ZNF727: variants seen among roughly 807,000 people sequenced by gnomAD.
ZNF727 encodes zinc finger protein 727, also known as putative zinc finger protein 727.
ZNF727 carries 11 observed loss-of-function variants against 11.5 expected under a neutral mutation model. That is an observed-to-expected ratio of 0.95 (90% CI 0.60 to 1.58). The LOEUF (loss-of-function observed/expected upper bound fraction) is 1.58. ZNF727 is among the 40% of genes most tolerant of loss of function. The pLI is 0.00. For synonymous variants in ZNF727, 171 were observed against 196.1 expected (o/e 0.87, Z 1.07); for missense variants, 533 against 581.7 (o/e 0.92, Z 0.86).
Position 64,062,736 on chromosome 7 carries a change from T to C in ZNF727, c.4-6155T>C, listed in dbSNP as rs1391259950. Reference sequence around the variant, plus strand: ...TCATTATCCCTTTGAATAAACTTTCTACCCAGAACTTTTTCTCTACCTCCT... The same window carrying C: ...TCATTATCCCTTTGAATAAACTTTCCACCCAGAACTTTTTCTCTACCTCCT... On this transcript the variant is annotated intron_variant, in intron 1 of 3. Transcript: ENST00000456806. Among the ~76,000 whole-genome samples the C allele has an allele frequency of 4.2e-5, 5 of 119,732 alleles. No homozygotes were observed. In the South Asian group the frequency reaches 8.0e-4, roughly 19 times the overall value. 78.5% of individuals were successfully genotyped at this position (119,732 alleles called of 152,430 possible). A position where few individuals can be genotyped will look rare whatever the true frequency, so the allele number is the denominator to read the frequency against.
rs1321167149 is a variant in ZNF727, at chr7:64,083,178, G to C, written c.*4629G>C. ...GGGGACCTGCTTTAACAGACAGTCT[G>C]GCCATGTCTTTTTAGAGCGCCTGTA... On this transcript the variant is annotated 3_prime_UTR_variant, in exon 4 of 4. Coordinates refer to ENST00000456806, the MANE Select transcript of ZNF727 (RefSeq NM_001159522.3). Among the ~76,000 whole-genome samples the C allele has an allele frequency of 6.6e-5, 10 of 152,202 alleles. No individual in the cohort carries two copies. Among genetic ancestry groups the C allele is most frequent in the Admixed American group, 6.5e-4 (10 of 15,284 alleles).
At chr7:64,049,890 G>C (rs1283640950) in intron 1 of ZNF727, among the ~76,000 whole-genome samples, 1 of 151,356 alleles carries the variant, frequency 6.6e-6, no homozygotes, top group South Asian at 2.1e-4. Context: ...AGTATTGTAA[G>C]TTTTAAGCTT....
chr7:64,069,070 C>CT, intron 2 of ZNF727, 53 bp downstream of exon 2: 1 of 1,455,958 alleles, frequency 6.9e-7, no homozygotes, highest in Non-Finnish European at 9.1e-7. Context: ...ATTTTATTTC[C>CT]TCTTTTTTTT....
At chr7:64,077,123 TTC>T (rs796229377) in intron 3 of ZNF727, among the ~76,000 whole-genome samples, 151 bp from the exon 4 acceptor site, 19 of 152,332 alleles carry the variant, frequency 1.2e-4, no homozygotes, top group African/African-American at 4.6e-4. Context: ...GTCAGTATAT[TTC>T]TGTTAAGCTT....
chr7:64,056,391 C>T (rs1789687082), intron 1 of ZNF727, among the ~76,000 whole-genome samples: 1 of 152,112 alleles, frequency 6.6e-6, no homozygotes, highest in African/African-American at 2.4e-5. Context: ...TCTAAAATTA[C>T]AGCTGAGAAT....
chr7:64,057,562 G>A (rs982350458), intron 1 of ZNF727, among the ~76,000 whole-genome samples: 4 of 152,072 alleles, frequency 2.6e-5, no homozygotes, highest in African/African-American at 7.2e-5. Flanking sequence ...GTCAGGGGGC[G>A]GGGAGAGCAT....
intron 1 of ZNF727, among the ~76,000 whole-genome samples, chr7:64,046,272 C>G (rs1789504447): frequency 6.6e-6 from 1 of 152,114 alleles, no homozygotes; most frequent in Non-Finnish European, 1.5e-5. Flanking sequence ...CTCAGGTGAT[C>G]CGCCCCCCTC....
intron 3 of ZNF727, among the ~76,000 whole-genome samples, chr7:64,075,109 C>T (rs1790020652): frequency 6.6e-6 from 1 of 152,050 alleles, no homozygotes; most frequent in Admixed American, 6.6e-5. Context: ...TCTAAGTTTA[C>T]TGCATACAAA....
intron 1 of ZNF727, among the ~76,000 whole-genome samples, chr7:64,056,640 T>G (rs1290584258): frequency 1.3e-5 from 2 of 152,106 alleles, no homozygotes. Context: ...GTAACAGTAA[T>G]AAGAATATGT....
At chr7:64,052,625 G>A (rs1316648249) in intron 1 of ZNF727, among the ~76,000 whole-genome samples, 2 of 152,146 alleles carry the variant, frequency 1.3e-5, no homozygotes. Context: ...GAGGGCTAGT[G>A]CCCTCCAGAC....
Position 64,077,774 on chromosome 7 carries a change from C to A in ZNF727, c.725C>A (p.Ala242Asp), listed in dbSNP as rs1325584904. 3.2e-6 allele frequency: 5 copies of A among 1,574,110 alleles called. No individual in the cohort carries two copies. Among genetic ancestry groups the A allele is most frequent in the Non-Finnish European group, 4.3e-6 (5 of 1,160,342 alleles). Residue 242 changes from alanine (A) to aspartate (D), a missense_variant, in exon 4 of 4, where the codon GCC becomes GAC. Ala to Asp is a moderately radical substitution (Grantham distance 126). This residue lies in a region of ZNF727 where 463 missense variants were observed against 494.5 expected (regional missense o/e 0.94). Transcript: ENST00000456806. ...ECGKTFTCSS[A>D]LTKHKRNHTG... ...GGCAAAACATTTACCTGTTCCTCAG[C>A]CCTTACTAAACACAAGAGAAATCAT...
chr7:64,047,610 G>A (rs1789529209), intron 1 of ZNF727, among the ~76,000 whole-genome samples: 1 of 152,156 alleles, frequency 6.6e-6, no homozygotes, highest in African/African-American at 2.4e-5. Context: ...GCAAACATTA[G>A]CCCCTGGGTC....
intron 1 of ZNF727, among the ~76,000 whole-genome samples, chr7:64,061,337 A>G (rs1229504260): frequency 6.6e-6 from 1 of 152,066 alleles, no homozygotes; most frequent in African/African-American, 2.4e-5. Context: ...TATTTACTTC[A>G]TGTATCTGAG....
At chr7:64,067,877 A>G (rs1361148982) in intron 1 of ZNF727, among the ~76,000 whole-genome samples, 2 of 147,546 alleles carry the variant, frequency 1.4e-5, no homozygotes, top group African/African-American at 5.1e-5. Context: ...CGTGTTCTGC[A>G]CATGTATCCC....
intron 1 of ZNF727, among the ~76,000 whole-genome samples, chr7:64,050,359 GC>G (rs1238139473): frequency 6.6e-6 from 1 of 151,964 alleles, no homozygotes; most frequent in Admixed American, 6.6e-5. Flanking sequence ...AGAGCTTCAG[GC>G]CCCAAAAAAA....
chr7:64,065,868 T>C (rs1042780666), intron 1 of ZNF727, among the ~76,000 whole-genome samples: 3 of 151,658 alleles, frequency 2.0e-5, no homozygotes, highest in Admixed American at 6.6e-5. Flanking sequence ...ATTGTCACCA[T>C]GAATTTATAA....
intron 3 of ZNF727, 85 bp from the exon 4 acceptor site, chr7:64,077,191 G>A: frequency 1.6e-6 from 2 of 1,275,358 alleles, no homozygotes; most frequent in Non-Finnish European, 1.1e-6. Context: ...CCTTGTTAAT[G>A]TGCTTTGTAT....
In ZNF727 at chr7:64,062,969, TA is replaced by T. The variant is rs781553088; in HGVS notation, c.4-5920del. Among the ~76,000 whole-genome samples, 22 of 151,978 alleles carry T rather than the reference TA, an allele frequency of 1.4e-4. 1 individual carries two copies. The highest frequency in any genetic ancestry group is 4.6e-4 in the Admixed American group (7 of 15,252). The stretch of plus-strand genomic sequence containing the variant: ...TTTGCCTGATTCTTCAAAATGATTT[TA>T]ATCAATTTATTAAGTTTATTGGATC... On this transcript the variant is annotated intron_variant, in intron 1 of 3. Coordinates refer to ENST00000456806, the MANE Select transcript of ZNF727 (RefSeq NM_001159522.3).
intron 1 of ZNF727, among the ~76,000 whole-genome samples, chr7:64,065,256 T>C (rs372360957): frequency 6.6e-6 from 1 of 152,158 alleles, no homozygotes; most frequent in Non-Finnish European, 1.5e-5. Flanking sequence ...ATAAAGATCA[T>C]AGAGACTGCT....
Sources: allele counts gnomAD v4.1 joint callset (sites outside exome capture counted in the v4.1 genomes callset), GRCh38; gene constraint gnomAD v4.1.1; regional missense constraint gnomAD v4.1.1; transcripts MANE v1.5; gene names NCBI Gene and HGNC (gene_info 2026-07-23, HGNC 2026-07-21).